Variants in RERG observed in about 807,000 individuals in gnomAD.
RERG encodes RAS like estrogen regulated growth inhibitor.
Under a neutral mutation model 23.2 loss-of-function variants are expected in RERG, and 25 were observed. The observed-to-expected ratio is 1.08, with a 90% CI of 0.79 to 1.50. RERG has a LOEUF of 1.50. RERG is among the 40% of genes most tolerant of loss of function. RERG has a pLI of 0.00. For missense variants in RERG, 253 were observed against 250.1 expected, an observed-to-expected ratio of 1.01 and a Z score of -0.08; for synonymous variants, 81 against 89.1, an observed-to-expected ratio of 0.91 and a Z score of 0.51.
chr12:15,149,441 G>C (rs1386717055), intron 2 of RERG, among the ~76,000 whole-genome samples: 1 of 152,122 alleles, frequency 6.6e-6, no homozygotes, highest in Non-Finnish European at 1.5e-5. Flanking sequence ...CTAGGCACTG[G>C]TGGGAGGGGA....
chr12:15,164,488 G>A (rs1385420631), intron 2 of RERG, among the ~76,000 whole-genome samples: 1 of 152,160 alleles, frequency 6.6e-6, no homozygotes, highest in Non-Finnish European at 1.5e-5. Flanking sequence ...GATCCGAAAA[G>A]GATTGATCAT....
intron 2 of RERG, among the ~76,000 whole-genome samples, chr12:15,189,946 A>C (rs1478598389): frequency 2.6e-5 from 4 of 152,156 alleles, no homozygotes; most frequent in African/African-American, 9.7e-5. Context: ...ATTCCCAAAT[A>C]TGCTATTTTC....
chr12:15,119,208 G>A (rs1591634483), intron 3 of RERG, among the ~76,000 whole-genome samples: 2 of 152,236 alleles, frequency 1.3e-5, no homozygotes, highest in South Asian at 4.1e-4. Flanking sequence ...ACTGTACAAG[G>A]TCACTCAATA....
At chr12:15,138,895 A>G (rs772738042) in intron 2 of RERG, among the ~76,000 whole-genome samples, 11 of 151,816 alleles carry the variant, frequency 7.2e-5, no homozygotes, top group Non-Finnish European at 1.5e-4. Flanking sequence ...CATGAAACTG[A>G]AGCTTACCTA....
intron 2 of RERG, among the ~76,000 whole-genome samples, chr12:15,163,894 C>T (rs1258106293): frequency 6.6e-6 from 1 of 152,050 alleles, no homozygotes; most frequent in Non-Finnish European, 1.5e-5. Flanking sequence ...GGAAATACTA[C>T]AGGAAGGGGT....
At chr12:15,164,773 AGG>A (rs1864663187) in intron 2 of RERG, among the ~76,000 whole-genome samples, 1 of 152,180 alleles carries the variant, frequency 6.6e-6, no homozygotes. Context: ...CACCCACAAA[AGG>A]TGTTAACTAG....
chr12:15,122,410 G>C (rs976847112), intron 2 of RERG, among the ~76,000 whole-genome samples: 2 of 152,176 alleles, frequency 1.3e-5, no homozygotes, highest in African/African-American at 4.8e-5. Context: ...TTATATGGGA[G>C]ATGGCAGTGT....
chr12:15,116,403 A>G (rs1048831171), intron 3 of RERG, among the ~76,000 whole-genome samples: 1 of 152,236 alleles, frequency 6.6e-6, no homozygotes, highest in Non-Finnish European at 1.5e-5. Context: ...TGTTGCTTCC[A>G]TGATAAATAG....
chr12:15,148,099 C>A (rs1443172636), intron 2 of RERG, among the ~76,000 whole-genome samples: 3 of 151,984 alleles, frequency 2.0e-5, no homozygotes, highest in Non-Finnish European at 4.4e-5. Context: ...TCTTTCTGAC[C>A]AGTGTAATTA....
At chr12:15,158,077 T>A (rs112315425) in intron 2 of RERG, among the ~76,000 whole-genome samples, 47 of 152,294 alleles carry the variant, frequency 3.1e-4, no homozygotes, top group African/African-American at 1.1e-3. Context: ...AACAAAAGTA[T>A]AATTATCAAT....
chr12:15,109,085 A>AGTT lies in RERG; in HGVS notation c.*22_*24dup. On this transcript the variant is annotated 3_prime_UTR_variant, in exon 5 of 5. Transcript: ENST00000256953. ...CAGAAGGGGAAGAGTGTTTCCAATTAGTTGGTCCACCTCAGCTGGGCTGCC... is the reference window on the plus strand; with the variant it reads ...CAGAAGGGGAAGAGTGTTTCCAATTAGTTGTTGGTCCACCTCAGCTGGGCTGCC... 6.6e-7 allele frequency: 1 copy of AGTT among 1,525,482 alleles called. No individual in the cohort carries two copies. The highest frequency in any genetic ancestry group is 8.8e-7 in the Non-Finnish European group (1 of 1,136,306). 94.5% of individuals were successfully genotyped at this position (1,525,482 alleles called of 1,614,324 possible). A position where few individuals can be genotyped will look rare whatever the true frequency, so the allele number is the denominator to read the frequency against.
chr12:15,142,961 C>T (rs930416374), intron 2 of RERG, among the ~76,000 whole-genome samples: 3 of 152,142 alleles, frequency 2.0e-5, no homozygotes, highest in Non-Finnish European at 2.9e-5. Flanking sequence ...AAAAGCAAAT[C>T]GCACCACAGG....
At chr12:15,143,783 A>G (rs1200072030) in intron 2 of RERG, among the ~76,000 whole-genome samples, 1 of 152,160 alleles carries the variant, frequency 6.6e-6, no homozygotes, top group African/African-American at 2.4e-5. Context: ...AAGCAGGGAG[A>G]AGAAAGAGGA....
At chr12:15,117,985 G>C (rs968402372) in intron 3 of RERG, among the ~76,000 whole-genome samples, 1 of 152,032 alleles carries the variant, frequency 6.6e-6, no homozygotes, top group African/African-American at 2.4e-5. Context: ...AGATTTCACC[G>C]ATCCACAGTA....
chr12:15,191,630 C>T (rs1455668235), intron 2 of RERG, among the ~76,000 whole-genome samples: 6 of 152,154 alleles, frequency 3.9e-5, no homozygotes, highest in Non-Finnish European at 1.5e-5. Context: ...GCCAAGTTAA[C>T]TGTTTCTTCA....
At chr12:15,148,409 A>G (rs1864369923) in intron 2 of RERG, among the ~76,000 whole-genome samples, 1 of 152,212 alleles carries the variant, frequency 6.6e-6, no homozygotes, top group Non-Finnish European at 1.5e-5. Flanking sequence ...CGGGGGGGAA[A>G]TGACCTAAAA....
At chr12:15,195,008 A>G (rs763098627) in intron 2 of RERG, among the ~76,000 whole-genome samples, 1 of 152,148 alleles carries the variant, frequency 6.6e-6, no homozygotes, top group Non-Finnish European at 1.5e-5. Context: ...GTCTATATAC[A>G]TTACCTTCCA....
intron 2 of RERG, among the ~76,000 whole-genome samples, chr12:15,145,487 G>GGGATCT (rs1864316323): frequency 6.6e-6 from 1 of 152,220 alleles, no homozygotes; most frequent in African/African-American, 2.4e-5. Context: ...AAACAGGGTG[G>GGGATCT]CAGAGCCACT....
At chr12:15,119,001 T>C (rs1394495932) in intron 3 of RERG, among the ~76,000 whole-genome samples, 1 of 152,128 alleles carries the variant, frequency 6.6e-6, no homozygotes, top group Non-Finnish European at 1.5e-5. Context: ...TCATTTCCCT[T>C]GAATCAAATG....
Sources: gnomAD v4.1 joint callset for allele counts (sites outside exome capture counted in the v4.1 genomes callset) on GRCh38, gnomAD v4.1.1 for gene constraint, MANE v1.5 for transcripts, NCBI Gene and HGNC (gene_info 2026-07-23, HGNC 2026-07-21) for gene names.